The following ZNF248 variants were observed in gnomAD, a reference collection of about 807,000 sequenced individuals.
ZNF248 encodes KRAB protein domain.
Under a neutral mutation model 44.3 loss-of-function variants are expected in ZNF248, and 20 were observed. That is an observed-to-expected ratio of 0.45 (90% CI 0.32 to 0.66). The LOEUF is 0.66. ZNF248 is among the 30% of genes least tolerant of loss of function. The pLI, the probability that ZNF248 is intolerant of heterozygous loss-of-function variation, is 0.04. For missense variants in ZNF248, 654 were observed against 677.0 expected, an observed-to-expected ratio of 0.97 and a Z score of 0.38; for synonymous variants, 224 against 229.0, an observed-to-expected ratio of 0.98 and a Z score of 0.20.
intron 1 of ZNF248, 40 bp from the exon 2 acceptor site, chr10:37,856,572 TAA>T: frequency 8.6e-7 from 1 of 1,160,396 alleles, no homozygotes; most frequent in Non-Finnish European, 1.1e-6. Flanking sequence ...AAGATGAGTT[TAA>T]CAAGTTAACA....
the ZNF248 span, among the ~76,000 whole-genome samples, chr10:37,761,404 A>T: frequency 6.6e-6 from 1 of 152,268 alleles, no homozygotes; most frequent in Admixed American, 6.5e-5. Context: ...AACTGATCAC[A>T]TGGTGTAGAG....
chr10:37,852,339 A>C (rs1779036), intron 3 of ZNF248, among the ~76,000 whole-genome samples: 2 of 152,102 alleles, frequency 1.3e-5, no homozygotes, highest in African/African-American at 2.4e-5. Flanking sequence ...CCCGGATGAA[A>C]CACCAGGGAA....
intron 6 of ZNF248, among the ~76,000 whole-genome samples, chr10:37,805,744 A>C (rs941362955): frequency 3.3e-5 from 5 of 152,150 alleles, no homozygotes; most frequent in African/African-American, 1.2e-4. Context: ...AAATATTCTA[A>C]CGTAATAATA....
chr10:37,853,940 C>T (rs912307880), intron 3 of ZNF248, among the ~76,000 whole-genome samples: 7 of 152,090 alleles, frequency 4.6e-5, no homozygotes, highest in East Asian at 3.9e-4. Flanking sequence ...TCAGTAAATA[C>T]GAAAGCCTAC....
chr10:37,836,923 A>G (rs2057330472), intron 5 of ZNF248, among the ~76,000 whole-genome samples: 1 of 152,170 alleles, frequency 6.6e-6, no homozygotes, highest in South Asian at 2.1e-4. Flanking sequence ...AAATGAATAT[A>G]TAGAAGGATT....
chr10:37,853,459 G>C (rs1251938585), intron 3 of ZNF248, among the ~76,000 whole-genome samples: 1 of 152,012 alleles, frequency 6.6e-6, no homozygotes, highest in Non-Finnish European at 1.5e-5. Context: ...CTCACTGCAA[G>C]CTCTTCCTCC....
intron 6 of ZNF248, among the ~76,000 whole-genome samples, chr10:37,800,370 T>G (rs1378432568): frequency 6.6e-6 from 1 of 152,206 alleles, no homozygotes; most frequent in Non-Finnish European, 1.5e-5. Flanking sequence ...TATATAGTAT[T>G]TGGTTTTCTG....
intron 6 of ZNF248, among the ~76,000 whole-genome samples, chr10:37,778,998 G>A (rs1444978713): frequency 6.6e-6 from 1 of 152,100 alleles, no homozygotes; most frequent in Non-Finnish European, 1.5e-5. Context: ...CCAATAACAG[G>A]ATCTGAAATT....
chr10:37,770,956 G>A, the ZNF248 span, among the ~76,000 whole-genome samples: 2 of 152,156 alleles, frequency 1.3e-5, no homozygotes, highest in Non-Finnish European at 2.9e-5. Context: ...CAAAAAGTGG[G>A]TGAAGGATAT....
chr10:37,850,272 A>G (rs1431150553), intron 3 of ZNF248, among the ~76,000 whole-genome samples: 1 of 152,238 alleles, frequency 6.6e-6, no homozygotes, highest in Non-Finnish European at 1.5e-5. Context: ...TAGTTGCTAA[A>G]TGAATGAATG....
chr10:37,841,350 T>C (rs1319970749), intron 3 of ZNF248, among the ~76,000 whole-genome samples: 1 of 152,142 alleles, frequency 6.6e-6, no homozygotes, highest in Non-Finnish European at 1.5e-5. Flanking sequence ...ATTTTAAAGT[T>C]ATGTTCTATT....
chr10:37,838,160 C>A, intron 3 of ZNF248, 49 bp from the exon 4 acceptor site: 2 of 1,547,864 alleles, frequency 1.3e-6, no homozygotes, highest in South Asian at 1.2e-5. Flanking sequence ...CTAGATGATA[C>A]AGAAAAGATT....
chr10:37,823,897 G>A (rs150514358), downstream of ZNF248, among the ~76,000 whole-genome samples: 581 of 152,058 alleles, frequency 3.8e-3, 5 homozygotes, highest in African/African-American at 0.013. Context: ...TAATGGCTAC[G>A]ATAAACTAAG....
In ZNF248 at chr10:37,846,240, G is replaced by C. The variant is rs142224641; in HGVS notation, c.16-8129C>G. ...TGGTGAGAGGACCCAAGTTTGGTTTGGTAACAGAAAGAGGAATTATAGAAT... is the reference window on the plus strand; with the variant it reads ...TGGTGAGAGGACCCAAGTTTGGTTTCGTAACAGAAAGAGGAATTATAGAAT... On this transcript the variant is annotated intron_variant, in intron 3 of 5. Coordinates refer to ENST00000395867, the MANE Select transcript of ZNF248 (RefSeq NM_021045.3). 1.3e-3 allele frequency among the ~76,000 whole-genome samples: 197 copies of C among 152,176 alleles called. 4 individuals carry two copies. The highest frequency in any genetic ancestry group is 0.011 in the Admixed American group (172 of 15,292).
chr10:37,847,844 T>A (rs550352884), intron 3 of ZNF248, among the ~76,000 whole-genome samples: 1 of 152,132 alleles, frequency 6.6e-6, no homozygotes, highest in Admixed American at 6.5e-5. Flanking sequence ...GGTAGGTACA[T>A]GGGGGTTAAT....
At chr10:37,810,757 A>G (rs1403957593) in intron 6 of ZNF248, among the ~76,000 whole-genome samples, 1 of 152,224 alleles carries the variant, frequency 6.6e-6, no homozygotes, top group Non-Finnish European at 1.5e-5. Context: ...TACACAAATA[A>G]AGACTGTACA....
At chr10:37,789,097 T>C (rs896793884) in intron 6 of ZNF248, among the ~76,000 whole-genome samples, 3 of 152,050 alleles carry the variant, frequency 2.0e-5, no homozygotes, top group Non-Finnish European at 4.4e-5. Context: ...AAAGACAATT[T>C]TATAGACACA....
At chr10:37,775,044 T>A (rs1779049), downstream of ZNF248, among the ~76,000 whole-genome samples, 9,129 of 152,168 alleles carry the variant, frequency 0.06, 353 homozygotes, top group Middle Eastern at 0.095. Context: ...TGCTGGGATT[T>A]CAGGCATGAG....
rs1322623935 is a variant in ZNF248, at chr10:37,829,148, A to T, written c.*2467T>A. ...CTGGTTGGTTTCTCCAAAGAGAGAC[A>T]CCAGCAATTTGGCACCACAGTTCTG... On this transcript the variant is annotated 3_prime_UTR_variant, in exon 6 of 6. Transcript: ENST00000395867. 2 of 985,434 alleles carry T rather than the reference A, an allele frequency of 2.0e-6. No homozygotes were observed. The highest frequency in any genetic ancestry group is 2.4e-6 in the Non-Finnish European group (2 of 829,936). 61.0% of individuals were successfully genotyped at this position (985,434 alleles called of 1,614,324 possible).
Sources: allele counts gnomAD v4.1 joint callset (sites outside exome capture counted in the v4.1 genomes callset), GRCh38; gene constraint gnomAD v4.1.1; transcripts MANE v1.5; gene names NCBI Gene and HGNC (gene_info 2026-07-23, HGNC 2026-07-21).